Variants in ABCA6 observed in about 807,000 individuals in gnomAD.
ABCA6 encodes ATP-binding cassette sub-family A member 6.
ABCA6 carries 164 observed loss-of-function variants against 191.2 expected under a neutral mutation model. That is an observed-to-expected ratio of 0.86 (90% CI 0.76 to 0.98). ABCA6 has a LOEUF of 0.98. ABCA6 is among the 50% of genes least tolerant of loss of function. ABCA6 has a pLI of 0.00. For synonymous variants in ABCA6, 636 were observed against 647.7 expected (o/e 0.98, Z 0.27); for missense variants, 1,958 against 1,894.1 (o/e 1.03, Z -0.63).
rs769916771 is a variant in ABCA6, at chr17:69,079,059, A to C, written c.4768T>G (p.Ser1590Ala). The C allele has an allele frequency of 6.2e-7, 1 of 1,609,518 alleles. No homozygotes were observed. The highest frequency in any genetic ancestry group is 8.5e-7 in the Non-Finnish European group (1 of 1,176,660). The change falls in exon 39 of 39, where the codon TCT (serine) becomes GCT (alanine). Residue 1590 changes from serine to alanine, a missense_variant. Ser to Ala is a moderately conservative substitution (Grantham distance 99). Coordinates refer to ENST00000284425, the MANE Select transcript of ABCA6 (RefSeq NM_080284.3). ...CTLEKVFLEL[S>A]KEQEVGNFDE... is the part of the protein sequence containing the mutation. ...AAATTTCCTACTTCCTGTTCTTTAG[A>C]AAGCTCTAAGAATACCTAATTAGGA...
intron 36 of ABCA6, among the ~76,000 whole-genome samples, chr17:69,082,588 G>A (rs990158640): frequency 2.0e-5 from 3 of 152,092 alleles, no homozygotes; most frequent in African/African-American, 7.2e-5. Context: ...TCCTGTGTGG[G>A]TTTGAGTCAT....
Position 69,134,649 on chromosome 17 carries a change from G to A in ABCA6, c.554C>T (p.Ala185Val). Residue 185 changes from alanine to valine, a missense_variant, in exon 5 of 39, where the codon GCC becomes GTC. By Grantham distance (64) the Ala-to-Val change is moderately conservative. Transcript: ENST00000284425. ...CAATCAAGCACTTACTTCTATAATGGCAGTATTAATAGCTGTTTGTAAAGC... is the reference window on the plus strand; with the variant it reads ...CAATCAAGCACTTACTTCTATAATGACAGTATTAATAGCTGTTTGTAAAGC... The part of the protein sequence containing the change: ...FVALQTAINT[A>V]IIEITTNHPV... The A allele has an allele frequency of 6.2e-7, 1 of 1,609,886 alleles. No homozygotes were observed. Among genetic ancestry groups the A allele is most frequent in the Admixed American group, 1.7e-5 (1 of 59,550 alleles).
At chr17:69,121,627 G>C (rs1475691326) in intron 10 of ABCA6, among the ~76,000 whole-genome samples, 1 of 151,992 alleles carries the variant, frequency 6.6e-6, no homozygotes, top group Non-Finnish European at 1.5e-5. Flanking sequence ...TTGGGGGAAG[G>C]TGGGGGTGGA....
Position 69,087,581 on chromosome 17 carries a change from G to A in ABCA6, c.3699-108C>T. On this transcript the variant is annotated intron_variant, in intron 28 of 38. Coordinates refer to ENST00000284425, the MANE Select transcript of ABCA6 (RefSeq NM_080284.3). The stretch of plus-strand genomic sequence containing the variant: ...TACTGTCCTCTTCTCTAATGTGCAG[G>A]TGATGATGTGATGATGACTGTCAAT... 5 of 1,358,154 alleles carry A rather than the reference G, an allele frequency of 3.7e-6. No homozygotes were observed. In the South Asian group the frequency reaches 6.8e-5, roughly 18 times the overall value. The allele number at this position is 1,358,154 out of a possible 1,614,324, so 84.1% of individuals were successfully genotyped here. A position where few individuals can be genotyped will look rare whatever the true frequency, so the allele number is the denominator to read the frequency against.
chr17:69,100,085 G>A (rs1301323686), intron 22 of ABCA6, among the ~76,000 whole-genome samples: 3 of 152,180 alleles, frequency 2.0e-5, no homozygotes, highest in African/African-American at 7.2e-5. Context: ...AATTCCTTAT[G>A]ACATGGTTAG....
rs139185299 is a variant in ABCA6, at chr17:69,084,439, G to A, written c.4253C>T (p.Thr1418Met). 7 of 1,614,016 alleles carry A rather than the reference G, an allele frequency of 4.3e-6. No individual in the cohort carries two copies. The highest frequency in any genetic ancestry group is 5.1e-6 in the Non-Finnish European group (6 of 1,180,020). Residue 1418 changes from threonine to methionine, a missense_variant, in exon 33 of 39, where the codon ACG becomes ATG. Transcript: ENST00000284425. ...VPVQKLTAGI[T>M]RKLCFVLSLL... ...ATCACACACCGCACGTACCTTTCTCGTGATTCCTGCTGTTAATTTCTGCAC... is the reference window on the plus strand; with the variant it reads ...ATCACACACCGCACGTACCTTTCTCATGATTCCTGCTGTTAATTTCTGCAC...
intron 16 of ABCA6, 136 bp from the exon 17 acceptor site, chr17:69,111,076 C>T (rs2073413806): frequency 6.8e-6 from 5 of 738,728 alleles, no homozygotes; most frequent in African/African-American, 1.8e-5. Context: ...TAAATACTAA[C>T]ATGATAGTAA....
rs754662279 is a variant in ABCA6, at chr17:69,107,758, A to T, written c.2327T>A (p.Ile776Asn). 4 of 1,613,194 alleles carry T rather than the reference A, an allele frequency of 2.5e-6. No individual in the cohort carries two copies. The highest frequency in any genetic ancestry group is 3.4e-6 in the Non-Finnish European group (4 of 1,179,520). The change falls in exon 18 of 39, where the codon ATT becomes AAT. Residue 776 changes from isoleucine (I) to asparagine (N), a missense_variant. Coordinates refer to ENST00000284425, the MANE Select transcript of ABCA6 (RefSeq NM_080284.3). The stretch of plus-strand genomic sequence containing the variant: ...GACTTCATTTAGAGTTGACATGGAA[A>T]TGTCATAACCTGTCACTCCCTGGTC... ...CSDQGVTGYDISMSTLNEVFM... is the reference protein window; with the variant it reads ...CSDQGVTGYDNSMSTLNEVFM...
chr17:69,128,824 T>C lies in ABCA6; in HGVS notation c.934-20A>G. The C allele has an allele frequency of 1.3e-6, 2 of 1,540,462 alleles. No individual in the cohort carries two copies. The highest frequency in any genetic ancestry group is 2.3e-5 in the East Asian group (1 of 43,256). ...AGCTACCTGCAAGAGAGAGAAGACA[T>C]TCAGCTGTTATAAAAAATATTTAGC... On this transcript the variant is annotated intron_variant, in intron 7 of 38. Transcript: ENST00000284425.
Position 69,078,908 on chromosome 17 carries a change from C to A in ABCA6, c.*65G>T. ...TAAATGATCTTTAAAATTAAACATA[C>A]TATTAATTATTACATAAAACATGAG... On this transcript the variant is annotated 3_prime_UTR_variant, in exon 39 of 39. Transcript: ENST00000284425. The A allele has an allele frequency of 2.3e-6, 2 of 885,738 alleles. No individual in the cohort carries two copies. The highest frequency in any genetic ancestry group is 3.4e-6 in the Non-Finnish European group (2 of 596,840). 54.9% of individuals were successfully genotyped at this position (885,738 alleles called of 1,614,324 possible).
intron 16 of ABCA6, 77 bp downstream of exon 16, chr17:69,112,106 C>G (rs931342943): frequency 9.2e-7 from 1 of 1,088,794 alleles, no homozygotes; most frequent in Non-Finnish European, 1.4e-6. Context: ...GAGGCCAGTT[C>G]TGTTTCATAA....
chr17:69,105,958 AAATTAT>A, intron 19 of ABCA6, 64 bp downstream of exon 19: 4 of 1,469,096 alleles, frequency 2.7e-6, no homozygotes, highest in Non-Finnish European at 3.6e-6. Context: ...TTCTAGTTTT[AAATTAT>A]CTTCTGGTTT....
intron 11 of ABCA6, 91 bp from the exon 12 acceptor site, chr17:69,115,577 T>C (rs1231726813): frequency 1.3e-6 from 1 of 786,098 alleles, no homozygotes; most frequent in Non-Finnish European, 2.0e-6. Flanking sequence ...CAAGGCTATT[T>C]AGTTTAGTGG....
At chr17:69,106,311 G>T in intron 18 of ABCA6, 100 bp from the exon 19 acceptor site, 1 of 1,166,374 alleles carries the variant, frequency 8.6e-7, no homozygotes, top group South Asian at 1.9e-5. Context: ...AGTATTACAT[G>T]GCCAGGCATG....
rs375435290 is a variant in ABCA6 at position 69,084,474 on chromosome 17, C to G, written c.4218G>C (p.Leu1406=). Residue 1406 remains leucine (L), a synonymous_variant, in exon 33 of 39, where the codon CTG becomes CTC. Transcript: ENST00000284425. The part of the protein sequence containing the change: ...LVSAFKLHEQ[L]NVPVQKLTAG... Reference sequence around the variant, plus strand: ...CTGTTAATTTCTGCACAGGAACATTCAGCTGCTCATGCAGTTTGAAAGCAC... The same window carrying G: ...CTGTTAATTTCTGCACAGGAACATTGAGCTGCTCATGCAGTTTGAAAGCAC... The G allele has an allele frequency of 8.1e-6, 13 of 1,614,050 alleles. No individual in the cohort carries two copies. The highest frequency in any genetic ancestry group is 2.7e-5 in the African/African-American group (2 of 74,914).
At chr17:69,112,302 A>G in intron 15 of ABCA6, 29 bp from the exon 16 acceptor site, 1 of 1,538,688 alleles carries the variant, frequency 6.5e-7, no homozygotes, top group Non-Finnish European at 9.0e-7. Flanking sequence ...GGGAGAAAAG[A>G]TATTGGGGGT....
At chr17:69,131,376 A>G (rs942346028) in intron 6 of ABCA6, among the ~76,000 whole-genome samples, 1 of 152,206 alleles carries the variant, frequency 6.6e-6, no homozygotes, top group African/African-American at 2.4e-5. Flanking sequence ...GCACTTTTAA[A>G]AAACATATCA....
chr17:69,094,505 G>C (rs2073003175), intron 25 of ABCA6: 1 of 153,122 alleles, frequency 6.5e-6, no homozygotes. Context: ...CCTGGAACTT[G>C]GCTGAGAAAA....
At chr17:69,126,968 G>A (rs921802662) in intron 8 of ABCA6, among the ~76,000 whole-genome samples, 2 of 152,142 alleles carry the variant, frequency 1.3e-5, no homozygotes, top group African/African-American at 2.4e-5. Context: ...AAGACAATGA[G>A]GCCACAGTGC....
Sources: gnomAD v4.1 joint callset for allele counts (sites outside exome capture counted in the v4.1 genomes callset) on GRCh38, gnomAD v4.1.1 for gene constraint, MANE v1.5 for transcripts, NCBI Gene and HGNC (gene_info 2026-07-23, HGNC 2026-07-21) for gene names.